The following TCF12 variants were observed in gnomAD, a reference collection of about 807,000 sequenced individuals.
TCF12 encodes DNA-binding protein HTF4.
TCF12 carries 45 observed loss-of-function variants against 86.0 expected under a neutral mutation model. The ratio of observed to expected loss-of-function variants is 0.52; its 90% CI spans 0.41 to 0.67. TCF12 has a LOEUF of 0.67. Ranked by LOEUF, TCF12 falls within the 30% of genes least tolerant of loss-of-function variation. The pLI is 0.00. For synonymous variants in TCF12, 330 were observed against 299.6 expected, an observed-to-expected ratio of 1.10 and a Z score of -1.05; for missense variants, 881 against 859.9, an observed-to-expected ratio of 1.02 and a Z score of -0.31.
At chr15:57,280,169 C>G (rs1422739266) in intron 19 of TCF12, among the ~76,000 whole-genome samples, 6 of 152,122 alleles carry the variant, frequency 3.9e-5, no homozygotes, top group African/African-American at 1.4e-4. Context: ...GGATTATAGG[C>G]ATGAGCCACC....
chr15:57,051,943 A>T (rs559852022), intron 3 of TCF12, among the ~76,000 whole-genome samples: 120 of 152,314 alleles, frequency 7.9e-4, no homozygotes, highest in African/African-American at 2.8e-3. Context: ...TTGACCATAC[A>T]CACATGGATT....
rs1045848930 is a variant in TCF12, at chr15:57,219,286, T to C, written c.580-11866T>C. The C allele has an allele frequency of 4.5e-5, 55 of 1,208,800 alleles. No homozygotes were observed. The African/African-American group carries it at 7.9e-4, about 17-fold the overall frequency. 74.9% of individuals were successfully genotyped at this position (1,208,800 alleles called of 1,614,324 possible). On this transcript the variant is annotated intron_variant, in intron 8 of 20. Coordinates refer to ENST00000333725, the MANE Select transcript of TCF12 (RefSeq NM_207037.2). ...TTTTAATACCTCAAATTTTGTCTTA[T>C]TGGTATCCTCCACCAATGCAAGGAC...
At chr15:57,012,240 C>T (rs1195750324) in intron 3 of TCF12, among the ~76,000 whole-genome samples, 1 of 151,932 alleles carries the variant, frequency 6.6e-6, no homozygotes, top group Non-Finnish European at 1.5e-5. Flanking sequence ...TATATATATT[C>T]AATTACTGTT....
intron 4 of TCF12, among the ~76,000 whole-genome samples, chr15:57,073,090 GA>G (rs1271420684): frequency 3.9e-5 from 6 of 152,170 alleles, no homozygotes; most frequent in African/African-American, 1.2e-4. Context: ...TCTTCCTGGG[GA>G]CAACACTTAC....
At chr15:56,986,966 T>C (rs1329412205) in intron 3 of TCF12, among the ~76,000 whole-genome samples, 2 of 152,234 alleles carry the variant, frequency 1.3e-5, no homozygotes, top group Non-Finnish European at 2.9e-5. Flanking sequence ...TGAAGATCTT[T>C]GGCTGTTTTT....
chr15:57,126,672 A>G (rs1288353550), intron 5 of TCF12, among the ~76,000 whole-genome samples: 4 of 152,160 alleles, frequency 2.6e-5, no homozygotes, highest in East Asian at 1.9e-4. Context: ...GCATCTACCA[A>G]TCTTGGTTTA....
chr15:57,128,386 C>A (rs557338371), intron 5 of TCF12, among the ~76,000 whole-genome samples: 1 of 152,264 alleles, frequency 6.6e-6, no homozygotes, highest in South Asian at 2.1e-4. Context: ...CTAGGCACCA[C>A]GCAAAGTGCT....
rs2061968202 is a variant in TCF12, at chr15:57,287,427, CT to C, written c.*1283del. 2 of 152,840 alleles carry C rather than the reference CT, an allele frequency of 1.3e-5. No individual in the cohort carries two copies. The highest frequency in any genetic ancestry group is 2.1e-4 in the South Asian group (1 of 4,830). The allele number at this position is 152,840 out of a possible 1,614,324, so 9.5% of individuals were successfully genotyped here. ...TTAATCAACTGCAAACCATCTGCCC[CT>C]GTCCCAAAATGATGAGCCAGATTAG... On this transcript the variant is annotated 3_prime_UTR_variant, in exon 21 of 21. Transcript: ENST00000333725.
chr15:57,254,556 A>T (rs2060257926), intron 16 of TCF12, among the ~76,000 whole-genome samples: 1 of 152,076 alleles, frequency 6.6e-6, no homozygotes. Context: ...AAACATATGT[A>T]AGTTATTAAA....
intron 16 of TCF12, among the ~76,000 whole-genome samples, chr15:57,260,531 G>C (rs1207690007): frequency 6.6e-6 from 1 of 152,114 alleles, no homozygotes; most frequent in Non-Finnish European, 1.5e-5. Context: ...ATGTAAAACA[G>C]AATTAGTATA....
At chr15:57,224,361 A>G (rs2058767241) in intron 8 of TCF12, among the ~76,000 whole-genome samples, 1 of 152,156 alleles carries the variant, frequency 6.6e-6, no homozygotes, top group South Asian at 2.1e-4. Flanking sequence ...TATTAGAAAA[A>G]TGATAGCACT....
intron 8 of TCF12, among the ~76,000 whole-genome samples, chr15:57,199,359 A>C (rs1458097577): frequency 2.6e-5 from 4 of 152,186 alleles, no homozygotes; most frequent in African/African-American, 4.8e-5. Flanking sequence ...GTAGCAGTGC[A>C]ATTTTCTTGT....
intron 3 of TCF12, among the ~76,000 whole-genome samples, chr15:56,956,124 A>G (rs1289936650): frequency 2.0e-5 from 3 of 151,912 alleles, no homozygotes; most frequent in Non-Finnish European, 4.4e-5. Context: ...CCTAAAGAAC[A>G]GTTTATTTAT....
At chr15:57,106,870 C>A (rs1384406719) in intron 5 of TCF12, among the ~76,000 whole-genome samples, 3 of 152,140 alleles carry the variant, frequency 2.0e-5, no homozygotes, top group Non-Finnish European at 1.5e-5. Context: ...AGTGAGATAT[C>A]CCTACACATG....
At chr15:57,128,262 G>A (rs1421082800) in intron 5 of TCF12, among the ~76,000 whole-genome samples, 3 of 152,074 alleles carry the variant, frequency 2.0e-5, no homozygotes, top group East Asian at 1.9e-4. Context: ...ATCAGATGAC[G>A]AGAAACAGGT....
At chr15:56,984,697 A>C (rs1456980625) in intron 3 of TCF12, among the ~76,000 whole-genome samples, 1 of 152,214 alleles carries the variant, frequency 6.6e-6, no homozygotes, top group African/African-American at 2.4e-5. Context: ...AATGTGTGCA[A>C]GGTCTGTGGT....
chr15:57,009,257 G>A (rs1230071128), intron 3 of TCF12, among the ~76,000 whole-genome samples: 1 of 151,886 alleles, frequency 6.6e-6, no homozygotes, highest in Non-Finnish European at 1.5e-5. Context: ...GACTACAGGC[G>A]CACTTCATCA....
intron 3 of TCF12, among the ~76,000 whole-genome samples, chr15:57,048,692 T>C (rs2067405341): frequency 6.6e-6 from 1 of 152,182 alleles, no homozygotes; most frequent in African/African-American, 2.4e-5. Flanking sequence ...AGTTACAATT[T>C]TAATGAACAT....
At chr15:56,976,450 G>T (rs555579650) in intron 3 of TCF12, among the ~76,000 whole-genome samples, 16 of 151,450 alleles carry the variant, frequency 1.1e-4, no homozygotes, top group African/African-American at 3.6e-4. Context: ...TGTTAGCCAG[G>T]ATGGTCTCGA....
Sources: gnomAD v4.1 joint callset for allele counts (sites outside exome capture counted in the v4.1 genomes callset) on GRCh38, gnomAD v4.1.1 for gene constraint, MANE v1.5 for transcripts, NCBI Gene and HGNC (gene_info 2026-07-23, HGNC 2026-07-21) for gene names.